Variants in LAMC1 observed in about 807,000 individuals in gnomAD.
The protein encoded by LAMC1 is laminin subunit gamma 1.
Under a neutral mutation model 173.6 loss-of-function variants are expected in LAMC1, and 38 were observed. That is an observed-to-expected ratio of 0.22 (90% CI 0.17 to 0.29). LAMC1 has a LOEUF of 0.29. Among genes scored for constraint, LAMC1 ranks in the 10% least tolerant of loss-of-function variants. LAMC1 has a pLI of 1.00. For missense variants in LAMC1, 1,824 were observed against 2,051.8 expected (o/e 0.89, Z 2.14); for synonymous variants, 746 against 749.1 (o/e 1.00, Z 0.07).
At chr1:183,026,414 C>G (rs146693477) in intron 1 of LAMC1, among the ~76,000 whole-genome samples, 21 of 152,138 alleles carry the variant, frequency 1.4e-4, no homozygotes, top group East Asian at 9.7e-4. Flanking sequence ...CCTCCCCCCC[C>G]CTTTAATGAC....
At chr1:183,049,790 A>G (rs532323024) in intron 1 of LAMC1, among the ~76,000 whole-genome samples, 1 of 151,526 alleles carries the variant, frequency 6.6e-6, no homozygotes, top group East Asian at 1.9e-4. Context: ...TTATCTCCTT[A>G]AATACCATAC....
intron 4 of LAMC1, among the ~76,000 whole-genome samples, chr1:183,111,598 C>T (rs1041815299): frequency 2.0e-5 from 3 of 151,992 alleles, no homozygotes; most frequent in Admixed American, 2.0e-4. Flanking sequence ...TTATTCTGAA[C>T]AGATAGAGAA....
chr1:183,079,081 T>C (rs568184684), intron 1 of LAMC1, among the ~76,000 whole-genome samples: 1 of 151,642 alleles, frequency 6.6e-6, no homozygotes, highest in South Asian at 2.1e-4. Context: ...GAGAGTGCTC[T>C]AATTTTAGAC....
chr1:183,130,253 AG>A, intron 18 of LAMC1, 90 bp from the exon 19 acceptor site: 1 of 1,153,058 alleles, frequency 8.7e-7, no homozygotes, highest in Non-Finnish European at 1.3e-6. Flanking sequence ...GATGTTTAGA[AG>A]AGTAGAGATA....
chr1:183,048,004 T>C (rs1285655263), intron 1 of LAMC1, among the ~76,000 whole-genome samples: 2 of 152,202 alleles, frequency 1.3e-5, no homozygotes, highest in East Asian at 3.8e-4. Flanking sequence ...CTGCCTCTCA[T>C]GATATTCAAG....
chr1:183,122,391 C>G (rs1169152738), intron 13 of LAMC1, 140 bp downstream of exon 13: 1 of 755,884 alleles, frequency 1.3e-6, no homozygotes, highest in Non-Finnish European at 2.2e-6. Context: ...AGCTGAGGCT[C>G]ACTCTCCTTG....
At chr1:183,073,995 G>A (rs770227936) in intron 1 of LAMC1, among the ~76,000 whole-genome samples, 20 of 152,244 alleles carry the variant, frequency 1.3e-4, no homozygotes, top group South Asian at 6.2e-4. Flanking sequence ...TAATTTGCAG[G>A]ATTTACACAT....
At chr1:183,128,807 G>T in intron 18 of LAMC1, 57 bp downstream of exon 18, 7 of 1,356,284 alleles carry the variant, frequency 5.2e-6, no homozygotes, top group Non-Finnish European at 5.9e-6. Context: ...TTTAGATGTG[G>T]CTCCTAAAGC....
intron 1 of LAMC1, among the ~76,000 whole-genome samples, chr1:183,038,085 G>T (rs1014846736): frequency 6.7e-6 from 1 of 148,352 alleles, no homozygotes; most frequent in Non-Finnish European, 1.5e-5. Context: ...GCCCAGGCTG[G>T]AGTGCAGTGG....
Position 183,132,385 on chromosome 1 carries a change from G to C in LAMC1, c.3567-15G>C. ...ATGGTTGTTTCATGGCTTATTTTTT[G>C]TTTTATCTGTATAGTCATAAACAGG... On this transcript the variant is annotated splice_polypyrimidine_tract_variant and intron_variant, in intron 20 of 27. Coordinates refer to ENST00000258341, the MANE Select transcript of LAMC1 (RefSeq NM_002293.4). 2 of 1,578,480 alleles carry C rather than the reference G, an allele frequency of 1.3e-6. No homozygotes were observed. The highest frequency in any genetic ancestry group is 1.7e-5 in the Admixed American group (1 of 57,492).
At chr1:183,043,154 G>A (rs925823705) in intron 1 of LAMC1, among the ~76,000 whole-genome samples, 1 of 152,044 alleles carries the variant, frequency 6.6e-6, no homozygotes, top group African/African-American at 2.4e-5. Context: ...TTAATTAGGT[G>A]TCCAACTTAG....
intron 1 of LAMC1, among the ~76,000 whole-genome samples, chr1:183,052,276 C>T (rs1408128885): frequency 4.6e-5 from 7 of 152,142 alleles, no homozygotes; most frequent in Non-Finnish European, 1.0e-4. Flanking sequence ...CTCTCCCAAA[C>T]TCTGCTAATT....
chr1:183,116,206 C>T (rs563563524), intron 6 of LAMC1, among the ~76,000 whole-genome samples: 1 of 151,992 alleles, frequency 6.6e-6, no homozygotes, highest in East Asian at 1.9e-4. Flanking sequence ...GGCTGGGCGC[C>T]TGTGGCTCAC....
chr1:183,113,396 G>A (rs1348524618), intron 4 of LAMC1, among the ~76,000 whole-genome samples: 8 of 109,626 alleles, frequency 7.3e-5, no homozygotes, highest in Admixed American at 5.4e-4. Context: ...AGATGTATTC[G>A]AATATTTTTT....
At chr1:183,132,572 A>C in intron 21 of LAMC1, 35 bp downstream of exon 21, 1 of 1,559,086 alleles carries the variant, frequency 6.4e-7, no homozygotes, top group Non-Finnish European at 8.8e-7. Flanking sequence ...ACACCCCTTC[A>C]GGTGTTCTGG....
Position 183,137,846 on chromosome 1 carries a change from T to C in LAMC1, c.4473+19T>C, listed in dbSNP as rs1558061776. The C allele has an allele frequency of 1.9e-6, 3 of 1,579,858 alleles. No individual in the cohort carries two copies. The highest frequency in any genetic ancestry group is 2.6e-6 in the Non-Finnish European group (3 of 1,164,638). On this transcript the variant is annotated intron_variant, in intron 26 of 27. Transcript: ENST00000258341. The stretch of plus-strand genomic sequence containing the variant: ...AGGGATGGTAAGAGGTTTTGGTATA[T>C]TTGCTCATTGGCAGAAAGTGAACAG...
At chr1:183,092,949 TC>T (rs1008881741) in intron 1 of LAMC1, among the ~76,000 whole-genome samples, 1 of 152,032 alleles carries the variant, frequency 6.6e-6, no homozygotes, top group Non-Finnish European at 1.5e-5. Context: ...AACACCCCTT[TC>T]CCCCTTCAGC....
At chr1:183,088,241 C>T (rs1292826211) in intron 1 of LAMC1, among the ~76,000 whole-genome samples, 1 of 152,150 alleles carries the variant, frequency 6.6e-6, no homozygotes, top group Non-Finnish European at 1.5e-5. Flanking sequence ...CAGAAAATAT[C>T]GTCTTGTTTT....
intron 26 of LAMC1, among the ~76,000 whole-genome samples, chr1:183,139,124 T>C (rs1657033120): frequency 6.6e-6 from 1 of 152,206 alleles, no homozygotes. Flanking sequence ...AATATGATTG[T>C]AGAAACATTA....
Sources: allele counts gnomAD v4.1 joint callset (sites outside exome capture counted in the v4.1 genomes callset), GRCh38; gene constraint gnomAD v4.1.1; transcripts MANE v1.5; gene names NCBI Gene and HGNC (gene_info 2026-07-23, HGNC 2026-07-21).